Variants in CSMD1 observed in about 807,000 individuals in gnomAD.
CSMD1 encodes the protein CUB and Sushi multiple domains 1.
CSMD1 carries 213 observed loss-of-function variants against 417.5 expected under a neutral mutation model. The ratio of observed to expected loss-of-function variants is 0.51; its 90% CI spans 0.46 to 0.57. The LOEUF (loss-of-function observed/expected upper bound fraction) is 0.57, where lower values mean the gene tolerates loss of function less well. Among genes scored for constraint, CSMD1 ranks in the 20% least tolerant of loss-of-function variants. CSMD1 has a pLI of 0.00. For synonymous variants in CSMD1, 2,862 were observed against 1,736.8 expected, an observed-to-expected ratio of 1.65 and a Z score of -16.11; for missense variants, 6,923 against 4,529.7, an observed-to-expected ratio of 1.53 and a Z score of -15.17.
chr8:4,367,982 T>C (rs1219051549), intron 3 of CSMD1, among the ~76,000 whole-genome samples: 1 of 152,048 alleles, frequency 6.6e-6, no homozygotes, highest in Non-Finnish European at 1.5e-5. Flanking sequence ...AGGTATAGAG[T>C]TACATTGTCA....
At chr8:3,579,702 T>C (rs1010399170) in intron 9 of CSMD1, among the ~76,000 whole-genome samples, 3 of 152,208 alleles carry the variant, frequency 2.0e-5, no homozygotes, top group Non-Finnish European at 4.4e-5. Flanking sequence ...TTAACTTATT[T>C]AATTTTAAGC....
At chr8:4,772,104 G>T (rs1563344774) in intron 1 of CSMD1, among the ~76,000 whole-genome samples, 1 of 152,114 alleles carries the variant, frequency 6.6e-6, no homozygotes, top group Non-Finnish European at 1.5e-5. Context: ...CGGGGAATAG[G>T]CTTCCAGGGT....
chr8:3,631,051 G>T (rs146336359), intron 7 of CSMD1, among the ~76,000 whole-genome samples: 1 of 152,046 alleles, frequency 6.6e-6, no homozygotes, highest in Non-Finnish European at 1.5e-5. Context: ...TGCTCGTGCC[G>T]CTCCTTCCAC....
At chr8:4,784,421 T>A (rs1004341835) in intron 1 of CSMD1, among the ~76,000 whole-genome samples, 2 of 152,280 alleles carry the variant, frequency 1.3e-5, no homozygotes, top group South Asian at 2.1e-4. Context: ...CAAACTCATA[T>A]GGATTTTTTA....
rs539353493 is a variant in CSMD1 at position 3,290,258 on chromosome 8, C to T, written c.3951-5912G>A. 4.5e-3 allele frequency among the ~76,000 whole-genome samples: 657 copies of T among 147,202 alleles called. 20 individuals are homozygous for T. Among genetic ancestry groups the T allele is most frequent in the Admixed American group, 6.6e-3 (99 of 14,974 alleles). On this transcript the variant is annotated intron_variant, in intron 25 of 69. Coordinates refer to ENST00000635120, the MANE Select transcript of CSMD1 (RefSeq NM_033225.6). The stretch of plus-strand genomic sequence containing the variant: ...TGTAGTGTAGTATGAAGTCAGGTAG[C>T]GTGATGCCTCCAGCTTTGTTCTTTT...
At position 3,377,803 on chromosome 8, in the gene CSMD1, C is replaced by A. The variant is rs146051491; in HGVS notation, c.2783-8433G>T. On this transcript the variant is annotated intron_variant, in intron 18 of 69. Coordinates refer to ENST00000635120, the MANE Select transcript of CSMD1 (RefSeq NM_033225.6). The stretch of plus-strand genomic sequence containing the variant: ...ATGAATGTTTCCTCAGTTACTACCC[C>A]CTGGGAGCTTAAAATCAAACTGAAC... Among the ~76,000 whole-genome samples the A allele has an allele frequency of 4.6e-5, 7 of 152,272 alleles. No homozygotes were observed. In the East Asian group the frequency reaches 5.8e-4, roughly 13 times the overall value.
chr8:4,175,955 G>C (rs1264434250), intron 3 of CSMD1, among the ~76,000 whole-genome samples: 2 of 152,102 alleles, frequency 1.3e-5, no homozygotes, highest in Non-Finnish European at 2.9e-5. Context: ...TTGGTGGCAT[G>C]GGGCAGCTGG....
At chr8:3,996,076 C>T (rs1036695058) in intron 5 of CSMD1, among the ~76,000 whole-genome samples, 2 of 152,194 alleles carry the variant, frequency 1.3e-5, no homozygotes, top group African/African-American at 4.8e-5. Context: ...TCAGAACACG[C>T]TTCTCATCAC....
chr8:3,910,960 T>C (rs973588901), intron 5 of CSMD1, among the ~76,000 whole-genome samples: 1 of 152,228 alleles, frequency 6.6e-6, no homozygotes, highest in African/African-American at 2.4e-5. Flanking sequence ...GAACGCTTTC[T>C]TGGGCATATT....
At chr8:3,692,045 A>G (rs1035815169) in intron 7 of CSMD1, among the ~76,000 whole-genome samples, 1 of 152,176 alleles carries the variant, frequency 6.6e-6, no homozygotes, top group Admixed American at 6.5e-5. Flanking sequence ...TCACTCAGCG[A>G]TCTGCCTGCT....
chr8:3,805,001 T>C (rs986580285), intron 5 of CSMD1, among the ~76,000 whole-genome samples: 2 of 152,196 alleles, frequency 1.3e-5, no homozygotes, highest in Admixed American at 1.3e-4. Context: ...AGTTCACTTC[T>C]TCTGGTCTTG....
intron 5 of CSMD1, among the ~76,000 whole-genome samples, chr8:3,811,560 A>G (rs1801080400): frequency 6.6e-6 from 1 of 152,064 alleles, no homozygotes; most frequent in Non-Finnish European, 1.5e-5. Flanking sequence ...TGCACGCCTG[A>G]CCACATCCTC....
chr8:4,152,164 T>C (rs1796602328), intron 3 of CSMD1, among the ~76,000 whole-genome samples: 1 of 152,192 alleles, frequency 6.6e-6, no homozygotes, highest in Non-Finnish European at 1.5e-5. Flanking sequence ...GGATAATTTA[T>C]AAAACTGTAG....
intron 5 of CSMD1, among the ~76,000 whole-genome samples, chr8:3,933,006 A>G (rs7845928): frequency 0.011 from 1,702 of 148,492 alleles, 111 homozygotes; most frequent in African/African-American, 0.04. Context: ...AATGTTTAAC[A>G]TTATAGAACA....
intron 3 of CSMD1, among the ~76,000 whole-genome samples, chr8:4,077,295 GTGTATATA>G (rs1306149398): frequency 4.5e-4 from 40 of 88,832 alleles, no homozygotes; most frequent in African/African-American, 1.7e-3. Flanking sequence ...ATATATATAT[GTGTATATA>G]TATATATATA....
chr8:4,678,772 C>G (rs901812664), intron 1 of CSMD1, among the ~76,000 whole-genome samples: 2 of 152,154 alleles, frequency 1.3e-5, no homozygotes, highest in African/African-American at 4.8e-5. Context: ...AGTTGTCTCT[C>G]GTCTTACCTT....
At chr8:4,753,595 C>A (rs1811483706) in intron 1 of CSMD1, among the ~76,000 whole-genome samples, 1 of 152,142 alleles carries the variant, frequency 6.6e-6, no homozygotes, top group African/African-American at 2.4e-5. Context: ...ACCCATGAAC[C>A]TGACATCCTC....
intron 1 of CSMD1, among the ~76,000 whole-genome samples, chr8:4,960,396 G>T (rs554315716): frequency 1.3e-5 from 2 of 152,302 alleles, no homozygotes; most frequent in East Asian, 1.9e-4. Context: ...GAGCTGGCAA[G>T]CTACCGATCT....
intron 5 of CSMD1, among the ~76,000 whole-genome samples, chr8:3,943,994 G>C (rs956858021): frequency 3.9e-5 from 6 of 152,238 alleles, no homozygotes; most frequent in Admixed American, 1.3e-4. Flanking sequence ...TATTAAATCA[G>C]AGTTAATATA....
Sources: allele counts gnomAD v4.1 joint callset (sites outside exome capture counted in the v4.1 genomes callset), GRCh38; gene constraint gnomAD v4.1.1; transcripts MANE v1.5; gene names NCBI Gene and HGNC (gene_info 2026-07-23, HGNC 2026-07-21).